CSMD1: variants seen among roughly 807,000 people sequenced by gnomAD.
CSMD1 encodes CUB and sushi domain-containing protein 1.
Under a neutral mutation model 417.5 loss-of-function variants are expected in CSMD1, and 213 were observed. The ratio of observed to expected loss-of-function variants is 0.51; its 90% CI spans 0.46 to 0.57. The LOEUF (loss-of-function observed/expected upper bound fraction) is 0.57, where lower values mean the gene tolerates loss of function less well. Ranked by LOEUF, CSMD1 falls within the 20% of genes least tolerant of loss-of-function variation. The pLI, the probability that CSMD1 is intolerant of heterozygous loss-of-function variation, is 0.00. For synonymous variants in CSMD1, 2,862 were observed against 1,736.8 expected, an observed-to-expected ratio of 1.65 and a Z score of -16.11; for missense variants, 6,923 against 4,529.7, an observed-to-expected ratio of 1.53 and a Z score of -15.17.
intron 5 of CSMD1, among the ~76,000 whole-genome samples, chr8:3,960,475 T>C (rs1378961449): frequency 1.3e-5 from 2 of 152,350 alleles, no homozygotes; most frequent in Non-Finnish European, 2.9e-5. Context: ...ATATTATTTA[T>C]GCCTTTAAAG....
chr8:3,066,930 G>A lies in CSMD1; in HGVS notation c.7475-14283C>T, dbSNP rs539585933. On this transcript the variant is annotated intron_variant, in intron 49 of 69. Transcript: ENST00000635120. ...TGATCAGGCTAAGTAGGAGCTTCTAGTTAAGAGAAGTTGATGGGTGTAATT... is the reference window on the plus strand; with the variant it reads ...TGATCAGGCTAAGTAGGAGCTTCTAATTAAGAGAAGTTGATGGGTGTAATT... Among the ~76,000 whole-genome samples, 28 of 152,292 alleles carry A rather than the reference G, an allele frequency of 1.8e-4. No homozygotes were observed. In the South Asian group the frequency reaches 5.4e-3, roughly 29 times the overall value.
rs570805084 is a variant in CSMD1 at position 4,144,022 on chromosome 8, G to C, written c.416-111923C>G. On this transcript the variant is annotated intron_variant, in intron 3 of 69. Coordinates refer to ENST00000635120, the MANE Select transcript of CSMD1 (RefSeq NM_033225.6). ...ACACGGTGGAAGGAGGAGGGCTATA[G>C]AGAAAGCAGCCTTTGATCCTTTGTT... 3.7e-3 allele frequency among the ~76,000 whole-genome samples: 554 copies of C among 151,378 alleles called. 8 individuals are homozygous for C. The highest frequency in any genetic ancestry group is 2.9e-3 in the Non-Finnish European group (196 of 68,026).
chr8:4,787,248 C>T, intron 1 of CSMD1: 1 of 534,454 alleles, frequency 1.9e-6, no homozygotes, highest in East Asian at 3.5e-5. Flanking sequence ...CTTCCCCGCC[C>T]AGAGATGCTC....
chr8:3,741,667 A>T (rs959911909), intron 6 of CSMD1, among the ~76,000 whole-genome samples: 2 of 152,186 alleles, frequency 1.3e-5, no homozygotes, highest in East Asian at 1.9e-4. Flanking sequence ...AGGATTTCTA[A>T]ACTTCTAACT....
chr8:3,321,023 T>G (rs1186830739), intron 23 of CSMD1, among the ~76,000 whole-genome samples: 1 of 152,150 alleles, frequency 6.6e-6, no homozygotes, highest in East Asian at 1.9e-4. Flanking sequence ...GGCCTCGCTT[T>G]TGTATTTCCC....
intron 10 of CSMD1, among the ~76,000 whole-genome samples, chr8:3,555,449 C>T (rs1315170549): frequency 6.6e-6 from 1 of 152,066 alleles, no homozygotes; most frequent in East Asian, 1.9e-4. Flanking sequence ...GTCAGGTGGC[C>T]CTGGCAGGTC....
At chr8:3,558,719 C>CAAT (rs1799331499) in intron 10 of CSMD1, among the ~76,000 whole-genome samples, 8 of 149,816 alleles carry the variant, frequency 5.3e-5, no homozygotes, top group Non-Finnish European at 8.9e-5. Flanking sequence ...AATAGTGCTT[C>CAAT]AGTAGTACCC....
At chr8:4,457,260 T>C (rs1452967637) in intron 2 of CSMD1, among the ~76,000 whole-genome samples, 1 of 152,178 alleles carries the variant, frequency 6.6e-6, no homozygotes, top group Non-Finnish European at 1.5e-5. Flanking sequence ...TTTACCTGTT[T>C]GCCCATCTTA....
chr8:3,158,661 G>A (rs769474568), intron 38 of CSMD1, among the ~76,000 whole-genome samples: 16 of 151,754 alleles, frequency 1.1e-4, no homozygotes, highest in Admixed American at 2.6e-4. Context: ...AAACAGTAGA[G>A]GGTTAAATTC....
At chr8:4,668,888 C>T (rs964783598) in intron 1 of CSMD1, among the ~76,000 whole-genome samples, 1 of 152,098 alleles carries the variant, frequency 6.6e-6, no homozygotes, top group African/African-American at 2.4e-5. Context: ...CAGGTTGAAT[C>T]TGTTTCCTCA....
intron 1 of CSMD1, among the ~76,000 whole-genome samples, chr8:4,701,216 G>T (rs1411917635): frequency 6.6e-6 from 1 of 151,906 alleles, no homozygotes; most frequent in African/African-American, 2.4e-5. Flanking sequence ...ACTGTTCTTT[G>T]CTCAGAGCTC....
intron 17 of CSMD1, among the ~76,000 whole-genome samples, chr8:3,394,152 A>C (rs113250144): frequency 2.8e-5 from 4 of 145,152 alleles, no homozygotes; most frequent in African/African-American, 1.0e-4. Context: ...TTTTAAACAC[A>C]GGATAAATGA....
intron 1 of CSMD1, among the ~76,000 whole-genome samples, chr8:4,726,472 C>G (rs1172009398): frequency 2.0e-5 from 3 of 151,948 alleles, no homozygotes; most frequent in South Asian, 2.1e-4. Context: ...GTCTGCTTCA[C>G]TTTTTTTTAC....
At chr8:3,384,072 CGA>C (rs1810811186) in intron 18 of CSMD1, among the ~76,000 whole-genome samples, 1 of 151,972 alleles carries the variant, frequency 6.6e-6, no homozygotes, top group Non-Finnish European at 1.5e-5. Flanking sequence ...GCTGTGAAAG[CGA>C]AGTGTGGAGT....
chr8:3,460,310 T>G (rs760484402), intron 12 of CSMD1, among the ~76,000 whole-genome samples: 1 of 151,958 alleles, frequency 6.6e-6, no homozygotes. Context: ...AAAGGAAGAT[T>G]TGAAGATCAG....
chr8:3,483,834 C>T (rs1035637537), intron 11 of CSMD1, among the ~76,000 whole-genome samples: 1 of 152,090 alleles, frequency 6.6e-6, no homozygotes. Flanking sequence ...GCTGAGTCAA[C>T]TTTTAAAAAA....
intron 3 of CSMD1, among the ~76,000 whole-genome samples, chr8:4,091,574 T>A (rs548757635): frequency 3.5e-4 from 54 of 152,270 alleles, no homozygotes; most frequent in Middle Eastern, 6.8e-3. Context: ...TTTCTATCCC[T>A]CAGTATTATA....
chr8:3,843,580 T>G (rs1395039533), intron 5 of CSMD1, among the ~76,000 whole-genome samples: 1 of 152,090 alleles, frequency 6.6e-6, no homozygotes, highest in Non-Finnish European at 1.5e-5. Flanking sequence ...TGTCAATGCA[T>G]CCAGTTGGAA....
At chr8:4,636,750 T>C (rs1802834628) in intron 2 of CSMD1, among the ~76,000 whole-genome samples, 1 of 152,200 alleles carries the variant, frequency 6.6e-6, no homozygotes, top group East Asian at 1.9e-4. Context: ...TTGCCACAAG[T>C]TGATAGACTT....
Sources: allele counts gnomAD v4.1 joint callset (sites outside exome capture counted in the v4.1 genomes callset), GRCh38; gene constraint gnomAD v4.1.1; transcripts MANE v1.5; gene names NCBI Gene and HGNC (gene_info 2026-07-23, HGNC 2026-07-21).